The following PLCB1 variants were observed in gnomAD, a reference collection of about 807,000 sequenced individuals.
The protein encoded by PLCB1 is 1-phosphatidylinositol 4,5-bisphosphate phosphodiesterase beta-1.
Under a neutral mutation model 161.8 loss-of-function variants are expected in PLCB1, and 46 were observed. The observed-to-expected ratio is 0.28, with a 90% CI of 0.22 to 0.36. PLCB1 has a LOEUF of 0.36. Ranked by LOEUF, PLCB1 falls within the 10% of genes least tolerant of loss-of-function variation. The pLI, the probability that PLCB1 is intolerant of heterozygous loss-of-function variation, is 1.00. For missense variants in PLCB1, 1,016 were observed against 1,472.5 expected (o/e 0.69, Z 5.07); for synonymous variants, 517 against 503.7 (o/e 1.03, Z -0.35).
intron 2 of PLCB1, among the ~76,000 whole-genome samples, chr20:8,362,382 T>C (rs1438898021): frequency 1.3e-5 from 2 of 152,180 alleles, no homozygotes; most frequent in Non-Finnish European, 2.9e-5. Flanking sequence ...AAAATATATC[T>C]CTTAATATAA....
At chr20:8,138,461 A>G (rs77660496) in intron 1 of PLCB1, among the ~76,000 whole-genome samples, 1,960 of 152,322 alleles carry the variant, frequency 0.013, 21 homozygotes, top group Non-Finnish European at 0.02. Context: ...ACCCCTGGTA[A>G]CTGAAATCAT....
chr20:8,211,054 C>T (rs1978798811), intron 2 of PLCB1, among the ~76,000 whole-genome samples: 1 of 152,108 alleles, frequency 6.6e-6, no homozygotes, highest in African/African-American at 2.4e-5. Context: ...CACTCTATAA[C>T]CTGTCTGCAC....
chr20:8,739,125 T>C (rs748714998), intron 20 of PLCB1, 136 bp from the exon 21 acceptor site: 2 of 656,156 alleles, frequency 3.0e-6, no homozygotes, highest in Non-Finnish European at 5.6e-6. Flanking sequence ...CACTTCAGCC[T>C]GGGTGACACA....
At chr20:8,827,503 C>A (rs1398609432) in intron 31 of PLCB1, among the ~76,000 whole-genome samples, 2 of 152,212 alleles carry the variant, frequency 1.3e-5, no homozygotes, top group African/African-American at 2.4e-5. Flanking sequence ...GTGGTAAACA[C>A]TAGCCATACA....
chr20:8,138,980 TATATA>T (rs1307607625), intron 1 of PLCB1, among the ~76,000 whole-genome samples: 3 of 151,796 alleles, frequency 2.0e-5, no homozygotes, highest in African/African-American at 7.2e-5. Context: ...AACAAACTAT[TATATA>T]AAATTGGAAA....
intron 3 of PLCB1, among the ~76,000 whole-genome samples, chr20:8,414,511 G>GA (rs200689642): frequency 0.019 from 2,889 of 152,166 alleles, 105 homozygotes; most frequent in African/African-American, 0.067. Flanking sequence ...CGTAAGAGAA[G>GA]AAAAAATGCC....
intron 2 of PLCB1, among the ~76,000 whole-genome samples, chr20:8,338,897 A>G (rs968872406): frequency 1.3e-5 from 2 of 152,204 alleles, no homozygotes; most frequent in Admixed American, 1.3e-4. Flanking sequence ...TTTAGGTGGA[A>G]TCACATGGTG....
At chr20:8,708,827 A>C in intron 12 of PLCB1, 75 bp downstream of exon 12, 1 of 882,540 alleles carries the variant, frequency 1.1e-6, no homozygotes, top group Admixed American at 1.9e-5. Flanking sequence ...ATCAGATTTA[A>C]GATTATTTGA....
At chr20:8,404,495 C>T (rs1434094560) in intron 3 of PLCB1, among the ~76,000 whole-genome samples, 1 of 152,186 alleles carries the variant, frequency 6.6e-6, no homozygotes, top group Non-Finnish European at 1.5e-5. Context: ...AAGTCCTAAG[C>T]TTATTTTGCA....
At chr20:8,269,367 A>G (rs377112762) in intron 2 of PLCB1, among the ~76,000 whole-genome samples, 3 of 152,238 alleles carry the variant, frequency 2.0e-5, no homozygotes, top group Non-Finnish European at 2.9e-5. Context: ...AGTTTGCTCA[A>G]CTTGATTCTC....
chr20:8,616,890 A>G (rs1354645792), intron 3 of PLCB1, among the ~76,000 whole-genome samples: 1 of 152,218 alleles, frequency 6.6e-6, no homozygotes, highest in Non-Finnish European at 1.5e-5. Context: ...AATAGTTTGT[A>G]TCTGAGATAT....
At chr20:8,845,515 C>T (rs1404734666) in intron 31 of PLCB1, among the ~76,000 whole-genome samples, 1 of 152,184 alleles carries the variant, frequency 6.6e-6, no homozygotes, top group African/African-American at 2.4e-5. Context: ...GTGCTAGTCA[C>T]ATTTCAGATG....
chr20:8,823,298 T>G (rs995679960), intron 31 of PLCB1, among the ~76,000 whole-genome samples: 3 of 152,088 alleles, frequency 2.0e-5, no homozygotes, highest in African/African-American at 4.8e-5. Flanking sequence ...AATTTTCGTG[T>G]TTTTAGTACA....
At chr20:8,626,691 G>A (rs1988359744) in intron 3 of PLCB1, among the ~76,000 whole-genome samples, 1 of 152,124 alleles carries the variant, frequency 6.6e-6, no homozygotes, top group South Asian at 2.1e-4. Flanking sequence ...TAAAACGTGT[G>A]ATTTATAATT....
chr20:8,296,384 AC>A (rs1277502116), intron 2 of PLCB1, among the ~76,000 whole-genome samples: 1 of 152,120 alleles, frequency 6.6e-6, no homozygotes, highest in Non-Finnish European at 1.5e-5. Flanking sequence ...TGTGCTCTGA[AC>A]CTTTTTAACT....
intron 11 of PLCB1, among the ~76,000 whole-genome samples, chr20:8,698,637 G>A (rs918591622): frequency 1.3e-5 from 2 of 152,140 alleles, no homozygotes; most frequent in African/African-American, 4.8e-5. Flanking sequence ...ATGTTGTAGG[G>A]AGCTGGAGTG....
intron 26 of PLCB1, among the ~76,000 whole-genome samples, chr20:8,773,462 T>C (rs1446464701): frequency 1.3e-5 from 2 of 152,240 alleles, no homozygotes; most frequent in African/African-American, 4.8e-5. Flanking sequence ...TATTTTGACA[T>C]TCACCCTAAC....
chr20:8,336,227 A>G (rs1353087314), intron 2 of PLCB1, among the ~76,000 whole-genome samples: 1 of 152,232 alleles, frequency 6.6e-6, no homozygotes, highest in Non-Finnish European at 1.5e-5. Context: ...GTCAACAGTT[A>G]GGTGTTATCC....
At chr20:8,578,562 G>T (rs540553092) in intron 3 of PLCB1, among the ~76,000 whole-genome samples, 1 of 152,202 alleles carries the variant, frequency 6.6e-6, no homozygotes, top group South Asian at 2.1e-4. Context: ...AAAGCTCTGT[G>T]CAAAGAATAG....
Sources: allele counts gnomAD v4.1 joint callset (sites outside exome capture counted in the v4.1 genomes callset), GRCh38; gene constraint gnomAD v4.1.1; transcripts MANE v1.5; gene names NCBI Gene and HGNC (gene_info 2026-07-23, HGNC 2026-07-21).